Variants in HMCN2 observed in about 807,000 individuals in gnomAD.
HMCN2 encodes hemicentin-2.
Under a neutral mutation model 377.5 loss-of-function variants are expected in HMCN2, and 325 were observed. That is an observed-to-expected ratio of 0.86 (90% CI 0.79 to 0.94). The LOEUF (loss-of-function observed/expected upper bound fraction) is 0.94, where lower values mean the gene tolerates loss of function less well. Ranked by LOEUF, HMCN2 falls within the 40% of genes least tolerant of loss-of-function variation. HMCN2 has a pLI of 0.00. For synonymous variants in HMCN2, 2,007 were observed against 2,046.8 expected, an observed-to-expected ratio of 0.98 and a Z score of 0.53; for missense variants, 4,543 against 4,725.3, an observed-to-expected ratio of 0.96 and a Z score of 1.13.
At chr9:130,310,670 A>AAC (rs1837199525) in intron 15 of HMCN2, among the ~76,000 whole-genome samples, 1 of 151,654 alleles carries the variant, frequency 6.6e-6, no homozygotes, top group African/African-American at 2.4e-5. Flanking sequence ...CATGGGTGTG[A>AAC]ACACGAGGAG....
In HMCN2 at chr9:130,356,280, G is replaced by A. The variant is rs1053391511; in HGVS notation, c.5425+23G>A. On this transcript the variant is annotated intron_variant, in intron 34 of 97. Coordinates refer to ENST00000683500, the MANE Select transcript of HMCN2 (RefSeq NM_001291815.2). The stretch of plus-strand genomic sequence containing the variant: ...ATGGTGAGTGGGCGCCTGGGGTTCT[G>A]GAGCTGTGGGCAGCCTGAGATGCCA... 9.4e-6 allele frequency: 12 copies of A among 1,278,952 alleles called. No individual in the cohort carries two copies. The African/African-American group carries it at 1.8e-4, about 20-fold the overall frequency. 79.2% of individuals were successfully genotyped at this position (1,278,952 alleles called of 1,614,324 possible). A position where few individuals can be genotyped will look rare whatever the true frequency, so the allele number is the denominator to read the frequency against.
At chr9:130,323,848 A>G (rs878885769) in intron 19 of HMCN2, among the ~76,000 whole-genome samples, 56,071 of 151,926 alleles carry the variant, frequency 0.37, 10,505 homozygotes, top group African/African-American at 0.39. Context: ...GATTACAGGC[A>G]TGTGCCACCA....
chr9:130,331,933 A>G (rs1211895670), intron 22 of HMCN2, among the ~76,000 whole-genome samples: 1 of 151,388 alleles, frequency 6.6e-6, no homozygotes, highest in Non-Finnish European at 1.5e-5. Flanking sequence ...TTCCTTTGAT[A>G]CCCCCACCAC....
chr9:130,432,465 G>C lies in HMCN2; in HGVS notation c.14804G>C (p.Gly4935Ala). The change falls in exon 97 of 98, where the codon GGA (glycine) becomes GCA (alanine). Residue 4935 changes from glycine (G) to alanine (A), a missense_variant. Gly to Ala is a moderately conservative substitution (Grantham distance 60). Around this residue, in one of 5 missense-constraint regions of HMCN2, gnomAD observed 1,155 missense variants for 1,157.7 expected, o/e 1.00. Coordinates refer to ENST00000683500, the MANE Select transcript of HMCN2 (RefSeq NM_001291815.2). ...NECEEESIECGPGQMCFNTRG... is the reference protein window; with the variant it reads ...NECEEESIECAPGQMCFNTRG... Reference sequence around the variant, plus strand: ...TGCGAGGAGGAGAGCATCGAGTGTGGACCCGGCCAGATGTGCTTCAACACC... The same window carrying C: ...TGCGAGGAGGAGAGCATCGAGTGTGCACCCGGCCAGATGTGCTTCAACACC... 6.4e-7 allele frequency: 1 copy of C among 1,550,994 alleles called. No individual in the cohort carries two copies. Among genetic ancestry groups the C allele is most frequent in the Non-Finnish European group, 8.7e-7 (1 of 1,147,074 alleles).
Position 130,393,748 on chromosome 9 carries a change from C to T in HMCN2, c.10241C>T (p.Pro3414Leu). Residue 3414 changes from proline to leucine, a missense_variant, in exon 68 of 98, where the codon CCT becomes CTT. By Grantham distance (98) the Pro-to-Leu change is moderately conservative. Around this residue, in one of 5 missense-constraint regions of HMCN2, gnomAD observed 1,073 missense variants for 1,319.5 expected, o/e 0.81. Coordinates refer to ENST00000683500, the MANE Select transcript of HMCN2 (RefSeq NM_001291815.2). The surrounding 1 kb of genome is among the most constrained non-coding windows in gnomAD (Gnocchi z 5.2). Reference sequence around the variant, plus strand: ...ACCTTTCTGCCCTCCATAGTGCCCCCTGTCCTGGAGCCGGTGGAGTTCCAG... The same window carrying T: ...ACCTTTCTGCCCTCCATAGTGCCCCTTGTCCTGGAGCCGGTGGAGTTCCAG... Reference protein sequence around the residue: ...RNFTLQVQVPPVLEPVEFQND... With the variant: ...RNFTLQVQVPLVLEPVEFQND... 8.0e-7 allele frequency: 1 copy of T among 1,255,658 alleles called. No individual in the cohort carries two copies. The highest frequency in any genetic ancestry group is 1.5e-5 in the African/African-American group (1 of 64,956). 77.8% of individuals were successfully genotyped at this position (1,255,658 alleles called of 1,614,324 possible). A position where few individuals can be genotyped will look rare whatever the true frequency, so the allele number is the denominator to read the frequency against.
intron 95 of HMCN2, 80 bp downstream of exon 95, chr9:130,430,684 C>A: frequency 1.5e-6 from 2 of 1,332,128 alleles, no homozygotes; most frequent in Non-Finnish European, 2.0e-6. Flanking sequence ...CAGGTGTCAC[C>A]CACCGAGTTC....
intron 19 of HMCN2, among the ~76,000 whole-genome samples, 198 bp from the exon 20 acceptor site, chr9:130,325,397 C>CT (rs1838080472): frequency 6.6e-6 from 1 of 152,176 alleles, no homozygotes; most frequent in East Asian, 1.9e-4. Context: ...TGTCCGACTG[C>CT]TTTGCCTTTT....
At chr9:130,430,162 A>T in intron 94 of HMCN2, 122 bp from the exon 95 acceptor site, 2 of 801,204 alleles carry the variant, frequency 2.5e-6, no homozygotes, top group South Asian at 1.8e-5. Flanking sequence ...GCTCACATGC[A>T]GCATGGGAGT....
chr9:130,359,895 C>T (rs1330781917), intron 37 of HMCN2, among the ~76,000 whole-genome samples: 2 of 152,146 alleles, frequency 1.3e-5, no homozygotes, highest in Non-Finnish European at 2.9e-5. Context: ...GGGATATTTG[C>T]CCCCTCTCGT....
Position 130,299,076 on chromosome 9 carries a change from G to A in HMCN2, c.1064G>A (p.Arg355His), listed in dbSNP as rs1462233672. The change falls in exon 8 of 98, where the codon CGC becomes CAC. Residue 355 changes from arginine to histidine, a missense_variant. By Grantham distance (29) the Arg-to-His change is conservative. Coordinates refer to ENST00000683500, the MANE Select transcript of HMCN2 (RefSeq NM_001291815.2). ...INSTGLKAPG[R>H]LDSVELAQSS... ...TCCACGGGCCTGAAGGCACCCGGCCGCCTAGACTCGGTGGAGCTGGCACAA... is the reference window on the plus strand; with the variant it reads ...TCCACGGGCCTGAAGGCACCCGGCCACCTAGACTCGGTGGAGCTGGCACAA... The A allele has an allele frequency of 2.3e-5, 11 of 470,920 alleles. No homozygotes were observed. The highest frequency in any genetic ancestry group is 2.0e-4 in the African/African-American group (10 of 50,044). 29.2% of individuals were successfully genotyped at this position (470,920 alleles called of 1,614,324 possible).
chr9:130,372,426 C>CT lies in HMCN2; in HGVS notation c.7351+20dup. 1 of 941,554 alleles carries CT rather than the reference C, an allele frequency of 1.1e-6. No homozygotes were observed. Among genetic ancestry groups the CT allele is most frequent in the Non-Finnish European group, 1.3e-6 (1 of 789,574 alleles). 58.3% of individuals were successfully genotyped at this position (941,554 alleles called of 1,614,324 possible). A position where few individuals can be genotyped will look rare whatever the true frequency, so the allele number is the denominator to read the frequency against. Reference sequence around the variant, plus strand: ...GTGCTGGGTGCGTTACAACCCCATTCTCATGGGTGCCCTATGAACTCTTCC... The same window carrying CT: ...GTGCTGGGTGCGTTACAACCCCATTCTTCATGGGTGCCCTATGAACTCTTCC... On this transcript the variant is annotated intron_variant, in intron 47 of 97. Transcript: ENST00000683500.
At position 130,297,406 on chromosome 9, in the gene HMCN2, G is replaced by A. The variant is rs571634158; in HGVS notation, c.1012+612G>A. 8.5e-5 allele frequency among the ~76,000 whole-genome samples: 13 copies of A among 152,352 alleles called. No homozygotes were observed. The East Asian group carries it at 1.4e-3, about 16-fold the overall frequency. On this transcript the variant is annotated intron_variant, in intron 7 of 97. Coordinates refer to ENST00000683500, the MANE Select transcript of HMCN2 (RefSeq NM_001291815.2). ...GCCCGCTATGGTTCTGCTGGGAGAA[G>A]CCTGGGCACCGAGGCAGGTTTCTGG...
chr9:130,305,605 G>A (rs1223476265), intron 11 of HMCN2, among the ~76,000 whole-genome samples: 2 of 152,238 alleles, frequency 1.3e-5, no homozygotes, highest in Non-Finnish European at 2.9e-5. Flanking sequence ...CTGCAGGAAG[G>A]AGGGAATCCA....
intron 25 of HMCN2, among the ~76,000 whole-genome samples, chr9:130,346,728 C>T (rs1839411492): frequency 6.6e-6 from 1 of 152,032 alleles, no homozygotes; most frequent in Admixed American, 6.5e-5. Context: ...AGAGCCTGGC[C>T]CTCGTCGGGT....
chr9:130,374,086 A>AGTTGGATGGTTGGGTG (rs1245399883), intron 48 of HMCN2, among the ~76,000 whole-genome samples: 57 of 147,886 alleles, frequency 3.9e-4, no homozygotes, highest in Admixed American at 2.1e-3. Context: ...ATGGTTGGAT[A>AGTTGGATGGTTGGGTG]GTTGGATGGT....
At chr9:130,398,763 C>T in intron 75 of HMCN2, 56 bp downstream of exon 75, 1 of 1,251,214 alleles carries the variant, frequency 8.0e-7, no homozygotes, top group Non-Finnish European at 1.0e-6. Context: ...GGGAGGCACT[C>T]TCTTCTCACG....
At chr9:130,431,175 G>T in intron 95 of HMCN2, 192 bp from the exon 96 acceptor site, 1 of 617,128 alleles carries the variant, frequency 1.6e-6, no homozygotes, top group Non-Finnish European at 2.8e-6. Flanking sequence ...TAGGTAAGGT[G>T]GGGCTCCTCC....
At position 130,402,724 on chromosome 9, in the gene HMCN2, AG is replaced by A. The variant is rs973993066; in HGVS notation, c.11771-64del. 4 of 1,025,754 alleles carry A rather than the reference AG, an allele frequency of 3.9e-6. No individual in the cohort carries two copies. The African/African-American group carries it at 6.6e-5, about 17-fold the overall frequency. 63.5% of individuals were successfully genotyped at this position (1,025,754 alleles called of 1,614,324 possible). A position where few individuals can be genotyped will look rare whatever the true frequency, so the allele number is the denominator to read the frequency against. ...CAGAGACAGAGTGGGGTTGTGTAGG[AG>A]CCCTGCCACCTCCATCCCTGGGGAC... On this transcript the variant is annotated intron_variant, in intron 77 of 97. Transcript: ENST00000683500.
intron 25 of HMCN2, among the ~76,000 whole-genome samples, chr9:130,345,813 C>T (rs1037019882): frequency 7.2e-5 from 11 of 151,890 alleles, no homozygotes; most frequent in African/African-American, 2.7e-4. Context: ...CTGGGCCCTC[C>T]CTGTCCCTCA....
Sources: gnomAD v4.1 joint callset for allele counts (sites outside exome capture counted in the v4.1 genomes callset) on GRCh38, gnomAD v4.1.1 for gene constraint, gnomAD v4.1.1 regional missense constraint, Gnocchi (gnomAD v3.1) non-coding constraint, MANE v1.5 for transcripts, NCBI Gene and HGNC (gene_info 2026-07-23, HGNC 2026-07-21) for gene names.